The following ZNF16 variants were observed in gnomAD, a reference collection of about 807,000 sequenced individuals.
ZNF16 encodes the protein zinc finger protein 16.
Under a neutral mutation model 9.0 loss-of-function variants are expected in ZNF16, and 7 were observed. The ratio of observed to expected loss-of-function variants is 0.78; its 90% CI spans 0.44 to 1.47. The LOEUF is 1.47. Among genes scored for constraint, ZNF16 ranks in the 40% most tolerant of loss-of-function variants. ZNF16 has a pLI of 0.01. For synonymous variants in ZNF16, 312 were observed against 301.5 expected, an observed-to-expected ratio of 1.03 and a Z score of -0.36; for missense variants, 830 against 854.2, an observed-to-expected ratio of 0.97 and a Z score of 0.35.
intron 1 of ZNF16, among the ~76,000 whole-genome samples, chr8:144,946,860 G>A (rs1262059119): frequency 2.6e-5 from 2 of 78,024 alleles, no homozygotes; most frequent in African/African-American, 9.8e-5. Flanking sequence ...GTGTCCTGCT[G>A]TTGGGCTTGT....
intron 2 of ZNF16, among the ~76,000 whole-genome samples, chr8:144,939,280 A>G (rs932540152): frequency 1.3e-5 from 2 of 152,140 alleles, no homozygotes; most frequent in African/African-American, 4.8e-5. Flanking sequence ...GAGTTTGCGA[A>G]GGTTTGGTAT....
In ZNF16 at chr8:144,931,683, G is replaced by C. The variant is rs776310383; in HGVS notation, c.1104C>G (p.His368Gln). ...AAGGCTTCTCTCCTGTGTGAGTCCT[G>C]TGGTGTTTGATGAGGTTTGAGCTTC... is the stretch of plus-strand genomic sequence containing the variant. ...FRRSSNLIKHHRTHTGEKPFE... is the reference protein window; with the variant it reads ...FRRSSNLIKHQRTHTGEKPFE... Residue 368 changes from histidine (H) to glutamine (Q), a missense_variant, in exon 3 of 3, where the codon CAC becomes CAG. His to Gln is a conservative substitution (Grantham distance 24). Transcript: ENST00000394909. 2 of 1,612,974 alleles carry C rather than the reference G, an allele frequency of 1.2e-6. No homozygotes were observed. The highest frequency in any genetic ancestry group is 1.7e-6 in the Non-Finnish European group (2 of 1,179,664).
intron 1 of ZNF16, 98 bp from the exon 2 acceptor site, chr8:144,946,313 C>A: frequency 8.3e-7 from 1 of 1,201,362 alleles, no homozygotes; most frequent in Non-Finnish European, 1.1e-6. Context: ...CCCCTGCAGC[C>A]CAAGACCTGA....
chr8:144,950,180 T>C (rs117776484), intron 1 of ZNF16, among the ~76,000 whole-genome samples: 219 of 152,286 alleles, frequency 1.4e-3, no homozygotes, highest in Middle Eastern at 6.8e-3. Flanking sequence ...GCACAGATTC[T>C]TTTGCTCACA....
At chr8:144,939,179 T>G (rs1164039716) in intron 2 of ZNF16, among the ~76,000 whole-genome samples, 1 of 152,230 alleles carries the variant, frequency 6.6e-6, no homozygotes, top group African/African-American at 2.4e-5. Context: ...TAATTTTCTT[T>G]TCTTGTCTTC....
intron 1 of ZNF16, among the ~76,000 whole-genome samples, chr8:144,949,505 T>C (rs1460749921): frequency 6.6e-6 from 1 of 152,150 alleles, no homozygotes; most frequent in Admixed American, 6.5e-5. Context: ...AAGGAAGACA[T>C]AAGAAATTCC....
chr8:144,945,879 T>G, intron 2 of ZNF16, 132 bp downstream of exon 2: 1 of 1,457,514 alleles, frequency 6.9e-7, no homozygotes, highest in Non-Finnish European at 9.1e-7. Context: ...CAGCCTTGGC[T>G]CCTTGAGTCA....
In ZNF16 at chr8:144,934,728, A is replaced by C. The variant is rs181166626; in HGVS notation, c.197-2138T>G. Among the ~76,000 whole-genome samples, 21 of 152,274 alleles carry C rather than the reference A, an allele frequency of 1.4e-4. No individual in the cohort carries two copies. The East Asian group carries it at 3.9e-3, about 28-fold the overall frequency. ...GTGTGGAGAAGTGACCCAAGGAAGG[A>C]TGAAGAAGGCTCTGGCAACAACACA... On this transcript the variant is annotated intron_variant, in intron 2 of 2. Transcript: ENST00000394909.
At chr8:144,936,272 A>G (rs59678881) in intron 2 of ZNF16, among the ~76,000 whole-genome samples, 32,253 of 152,170 alleles carry the variant, frequency 0.21, 3,791 homozygotes, top group East Asian at 0.35. Flanking sequence ...TGGCTAAATT[A>G]TATTCATTTG....
Position 144,932,265 on chromosome 8 carries a change from G to A in ZNF16, c.522C>T (p.Ile174=). The A allele has an allele frequency of 6.2e-7, 1 of 1,614,170 alleles. No individual in the cohort carries two copies. The highest frequency in any genetic ancestry group is 8.5e-7 in the Non-Finnish European group (1 of 1,180,030). The change falls in exon 3 of 3, where the codon ATC becomes ATT. Residue 174 remains isoleucine (I), a synonymous_variant. Coordinates refer to ENST00000394909, the MANE Select transcript of ZNF16 (RefSeq NM_006958.3). This position sits in a 1 kb window ranked among gnomAD's most constrained non-coding sequence, Gnocchi z 5.0. Reference sequence around the variant, plus strand: ...ATGGATGTGGCCTCTCTTCTGTAGGGATTTCCTGACATGCCATCAGGTTTG... The same window carrying A: ...ATGGATGTGGCCTCTCTTCTGTAGGAATTTCCTGACATGCCATCAGGTTTG... ...LSPNLMACQE[I]PTEERPHPYD... is the part of the protein sequence containing the mutation.
At chr8:144,944,102 A>G (rs1833870219) in intron 2 of ZNF16, 1 of 134,060 alleles carries the variant, frequency 7.5e-6, no homozygotes, top group African/African-American at 2.9e-5. Flanking sequence ...ACGGAGTCTC[A>G]CTCTGTCACC....
Position 144,930,779 on chromosome 8 carries a change from A to T in ZNF16, c.2008T>A (p.Ser670Thr), listed in dbSNP as rs764935852. The T allele has an allele frequency of 4.5e-6, 7 of 1,541,790 alleles. No homozygotes were observed. The East Asian group carries it at 1.1e-4, about 25-fold the overall frequency. The change falls in exon 3 of 3, where the codon TCA becomes ACA. Residue 670 changes from serine (S) to threonine (T), a missense_variant. Transcript: ENST00000394909. ...AACGKAFSQR[S>T]KLIKHQLIHT... ...ATCAACTGGTGTTTGATCAACTTTGATCGCTGGCTGAAGGCTTTCCCACAA... is the reference window on the plus strand; with the variant it reads ...ATCAACTGGTGTTTGATCAACTTTGTTCGCTGGCTGAAGGCTTTCCCACAA...
At chr8:144,942,125 C>T (rs2130034986) in intron 2 of ZNF16, among the ~76,000 whole-genome samples, 1 of 150,616 alleles carries the variant, frequency 6.6e-6, no homozygotes, top group South Asian at 2.1e-4. Flanking sequence ...CTACAGGTGC[C>T]CACCACCTTG....
At position 144,939,467 on chromosome 8, in the gene ZNF16, G is replaced by A. The variant is rs974874939; in HGVS notation, c.196+6544C>T. On this transcript the variant is annotated intron_variant, in intron 2 of 2. Coordinates refer to ENST00000394909, the MANE Select transcript of ZNF16 (RefSeq NM_006958.3). ...AAAAATTAGCTGGGCATAGTGGCACGTGCCTGTAGTCCCAGCTACTCAGGA... is the reference window on the plus strand; with the variant it reads ...AAAAATTAGCTGGGCATAGTGGCACATGCCTGTAGTCCCAGCTACTCAGGA... Among the ~76,000 whole-genome samples the A allele has an allele frequency of 8.5e-5, 13 of 152,054 alleles. No homozygotes were observed. In the South Asian group the frequency reaches 1.9e-3, roughly 22 times the overall value.
chr8:144,935,375 G>T (rs1833658196), intron 2 of ZNF16, among the ~76,000 whole-genome samples: 2 of 151,778 alleles, frequency 1.3e-5, no homozygotes, highest in Admixed American at 6.6e-5. Context: ...GCTAAATTTT[G>T]TTGTATTTTT....
At chr8:144,941,306 A>G (rs1477732905) in intron 2 of ZNF16, among the ~76,000 whole-genome samples, 1 of 151,976 alleles carries the variant, frequency 6.6e-6, no homozygotes, top group Non-Finnish European at 1.5e-5. Context: ...CCCTTTTATA[A>G]ATACATACTG....
Position 144,930,625 on chromosome 8 carries a change from G to T in ZNF16, c.*113C>A. The T allele has an allele frequency of 8.3e-7, 1 of 1,207,284 alleles. No homozygotes were observed. Among genetic ancestry groups the T allele is most frequent in the Non-Finnish European group, 1.1e-6 (1 of 873,384 alleles). 74.8% of individuals were successfully genotyped at this position (1,207,284 alleles called of 1,614,324 possible). A position where few individuals can be genotyped will look rare whatever the true frequency, so the allele number is the denominator to read the frequency against. Reference sequence around the variant, plus strand: ...CAGGCTATGTGGCCACTGGATGTAGGCAGTGAGCTGAGTCCAGGCTTTCGG... The same window carrying T: ...CAGGCTATGTGGCCACTGGATGTAGTCAGTGAGCTGAGTCCAGGCTTTCGG... On this transcript the variant is annotated 3_prime_UTR_variant, in exon 3 of 3. Transcript: ENST00000394909.
intron 2 of ZNF16, chr8:144,944,587 G>A (rs767873553): frequency 1.3e-5 from 2 of 152,252 alleles, no homozygotes; most frequent in Non-Finnish European, 2.9e-5. Context: ...GTCTACTTAA[G>A]TCCAATGTCT....
chr8:144,945,745 G>A (rs1833909068), intron 2 of ZNF16: 1 of 453,574 alleles, frequency 2.2e-6, no homozygotes, highest in Non-Finnish European at 3.7e-6. Context: ...AAGGGGTCAG[G>A]AGTATAGGGC....
Sources: allele counts gnomAD v4.1 joint callset (sites outside exome capture counted in the v4.1 genomes callset), GRCh38; gene constraint gnomAD v4.1.1; non-coding constraint Gnocchi (gnomAD v3.1); transcripts MANE v1.5; gene names NCBI Gene and HGNC (gene_info 2026-07-23, HGNC 2026-07-21).